The following PPP1R21 variants were observed in gnomAD, a reference collection of about 807,000 sequenced individuals.
PPP1R21 encodes the protein KLRAQ motif containing 1.
In PPP1R21, 85 loss-of-function variants were observed where a neutral mutation model predicts 112.8. The observed-to-expected ratio is 0.75, with a 90% CI of 0.63 to 0.90. The LOEUF (loss-of-function observed/expected upper bound fraction) is 0.90, where lower values mean the gene tolerates loss of function less well. Among genes scored for constraint, PPP1R21 ranks in the 40% least tolerant of loss-of-function variants. The pLI is 0.00. For missense variants in PPP1R21, 1,199 were observed against 901.5 expected (o/e 1.33, Z -4.23); for synonymous variants, 381 against 322.3 (o/e 1.18, Z -1.95).
Position 48,441,192 on chromosome 2 carries a change from C to T in PPP1R21, c.57+182C>T. The T allele has an allele frequency of 1.1e-5, 7 of 613,808 alleles. No homozygotes were observed. In the South Asian group the frequency reaches 1.3e-4, roughly 11 times the overall value. The allele number at this position is 613,808 out of a possible 1,614,324, so 38.0% of individuals were successfully genotyped here. A position where few individuals can be genotyped will look rare whatever the true frequency, so the allele number is the denominator to read the frequency against. On this transcript the variant is annotated intron_variant, in intron 1 of 21. Transcript: ENST00000294952. ...ACCTGCAGCTCCCAGGAGATGGGGC[C>T]GGGCGGTGTCTGCGTCCGTGAGCGT...
intron 12 of PPP1R21, among the ~76,000 whole-genome samples, chr2:48,475,206 A>T (rs1362360674): frequency 6.6e-6 from 1 of 151,968 alleles, no homozygotes; most frequent in African/African-American, 2.4e-5. Context: ...TTTAAAAATT[A>T]TCCAGATGTG....
At chr2:48,489,516 A>G (rs960505905) in intron 14 of PPP1R21, among the ~76,000 whole-genome samples, 1 of 151,132 alleles carries the variant, frequency 6.6e-6, no homozygotes, top group Non-Finnish European at 1.5e-5. Context: ...CTAATTTTTC[A>G]ATTTTGAAAA....
chr2:48,506,508 A>G (rs1461551756), intron 18 of PPP1R21, among the ~76,000 whole-genome samples: 1 of 152,228 alleles, frequency 6.6e-6, no homozygotes, highest in Non-Finnish European at 1.5e-5. Context: ...TGATTTCTGT[A>G]TTTATTCTTG....
intron 11 of PPP1R21, among the ~76,000 whole-genome samples, chr2:48,472,290 A>G (rs184273092): frequency 9.3e-5 from 14 of 150,898 alleles, no homozygotes; most frequent in African/African-American, 3.2e-4. Flanking sequence ...TACAACTGGA[A>G]CATGAGAGAA....
rs72822236 is a variant in PPP1R21 at position 48,491,422 on chromosome 2, G to C, written c.1599+252G>C. 5.0e-3 allele frequency among the ~76,000 whole-genome samples: 753 copies of C among 152,120 alleles called. 2 individuals are homozygous for C. The highest frequency in any genetic ancestry group is 7.0e-3 in the Non-Finnish European group (476 of 68,002). ...CCCAAGTGCCTGATAGAGCGCCTGG[G>C]GTGAGGTAGCCAGCCAAACAGTAAA... On this transcript the variant is annotated intron_variant, in intron 15 of 21. Transcript: ENST00000294952.
intron 19 of PPP1R21, among the ~76,000 whole-genome samples, chr2:48,507,635 G>A (rs1380049546): frequency 1.3e-5 from 2 of 151,784 alleles, no homozygotes; most frequent in Non-Finnish European, 2.9e-5. Context: ...CCAAAGTGCT[G>A]GGATTACAGG....
At chr2:48,476,711 T>C (rs1056848332) in intron 12 of PPP1R21, among the ~76,000 whole-genome samples, 2 of 152,220 alleles carry the variant, frequency 1.3e-5, no homozygotes, top group African/African-American at 4.8e-5. Flanking sequence ...ATGTTGACTA[T>C]CTTTTAATGT....
chr2:48,514,172 G>C (rs907404305), intron 21 of PPP1R21, among the ~76,000 whole-genome samples: 1 of 131,678 alleles, frequency 7.6e-6, no homozygotes, highest in Non-Finnish European at 1.5e-5. Context: ...TGCAAGCTCC[G>C]CCTCCCGGGT....
At chr2:48,452,256 A>G (rs1197215298) in intron 2 of PPP1R21, among the ~76,000 whole-genome samples, 2 of 152,158 alleles carry the variant, frequency 1.3e-5, no homozygotes, top group Admixed American at 6.5e-5. Flanking sequence ...GATGGCAGTA[A>G]TGGTAGGAAC....
Position 48,477,880 on chromosome 2 carries a change from G to A in PPP1R21, c.1226-2044G>A, listed in dbSNP as rs552023726. Among the ~76,000 whole-genome samples, 11 of 152,298 alleles carry A rather than the reference G, an allele frequency of 7.2e-5. No individual in the cohort carries two copies. The East Asian group carries it at 2.1e-3, about 29-fold the overall frequency. Reference sequence around the variant, plus strand: ...AAATTCTAACTGTCAGTACCTGTATGTGTGATCTCCTGTGGAGATGGGATC... The same window carrying A: ...AAATTCTAACTGTCAGTACCTGTATATGTGATCTCCTGTGGAGATGGGATC... On this transcript the variant is annotated intron_variant, in intron 12 of 21. Transcript: ENST00000294952.
At position 48,465,582 on chromosome 2, in the gene PPP1R21, G is replaced by C. The variant is rs764074898; in HGVS notation, c.837G>C (p.Gln279His). Residue 279 changes from glutamine (Q) to histidine (H), a missense_variant, in exon 9 of 22, where the codon CAG becomes CAC. Coordinates refer to ENST00000294952, the MANE Select transcript of PPP1R21 (RefSeq NM_001135629.3). Reference protein sequence around the residue: ...ALLNFHTYTEQRIQIFPVDSA... With the variant: ...ALLNFHTYTEHRIQIFPVDSA... ...TAAACTTTCATACCTACACAGAACA[G>C]AGGATTCAAATTTTTCCTGTTGATT... 5.0e-6 allele frequency: 8 copies of C among 1,613,924 alleles called. No homozygotes were observed. The highest frequency in any genetic ancestry group is 5.9e-6 in the Non-Finnish European group (7 of 1,179,924).
chr2:48,501,271 G>T (rs1670099539), intron 17 of PPP1R21, among the ~76,000 whole-genome samples: 1 of 152,100 alleles, frequency 6.6e-6, no homozygotes, highest in Admixed American at 6.5e-5. Context: ...CAAATGATGG[G>T]GTCAGACTGT....
chr2:48,509,644 G>T (rs1455277532), intron 19 of PPP1R21, among the ~76,000 whole-genome samples: 3 of 152,038 alleles, frequency 2.0e-5, no homozygotes, highest in Non-Finnish European at 4.4e-5. Context: ...GGTGGAGGTT[G>T]CAGTGAGCCA....
intron 9 of PPP1R21, among the ~76,000 whole-genome samples, chr2:48,468,745 G>A: frequency 6.6e-6 from 1 of 151,992 alleles, no homozygotes; most frequent in East Asian, 1.9e-4. Context: ...AGGCCAGGAG[G>A]CAGAGGTTGC....
chr2:48,465,571 T>G lies in PPP1R21; in HGVS notation c.826T>G (p.Tyr276Asp), dbSNP rs775867742. The G allele has an allele frequency of 6.2e-7, 1 of 1,613,926 alleles. No homozygotes were observed. The highest frequency in any genetic ancestry group is 8.5e-7 in the Non-Finnish European group (1 of 1,179,846). ...LVTALLNFHT[Y>D]TEQRIQIFPV... ...GACGGCTCTTCTAAACTTTCATACC[T>G]ACACAGAACAGAGGATTCAAATTTT... Residue 276 changes from tyrosine to aspartate, a missense_variant, in exon 9 of 22, where the codon TAC becomes GAC. By Grantham distance (160) the Tyr-to-Asp change is radical. Transcript: ENST00000294952.
intron 13 of PPP1R21, among the ~76,000 whole-genome samples, chr2:48,485,172 C>T (rs1005177710): frequency 6.6e-6 from 1 of 152,118 alleles, no homozygotes; most frequent in Non-Finnish European, 1.5e-5. Context: ...GCAATACCCA[C>T]TACTGGGTAT....
At chr2:48,444,859 T>G (rs1174804215) in intron 1 of PPP1R21, among the ~76,000 whole-genome samples, 2 of 151,640 alleles carry the variant, frequency 1.3e-5, no homozygotes, top group Non-Finnish European at 2.9e-5. Flanking sequence ...CTTTTTAAAG[T>G]TCTTTTTTTT....
intron 17 of PPP1R21, 26 bp from the exon 18 acceptor site, chr2:48,505,537 TA>T: frequency 1.3e-6 from 2 of 1,525,650 alleles, no homozygotes; most frequent in Admixed American, 2.0e-5. Context: ...CATTCTGTTC[TA>T]AAAGATTTTT....
At chr2:48,482,650 T>G (rs911370822) in intron 13 of PPP1R21, among the ~76,000 whole-genome samples, 105 of 151,070 alleles carry the variant, frequency 7.0e-4, no homozygotes, top group African/African-American at 2.4e-3. Context: ...ACACTGTTTT[T>G]TTTTTTTTTT....
Sources: gnomAD v4.1 joint callset for allele counts (sites outside exome capture counted in the v4.1 genomes callset) on GRCh38, gnomAD v4.1.1 for gene constraint, MANE v1.5 for transcripts, NCBI Gene and HGNC (gene_info 2026-07-23, HGNC 2026-07-21) for gene names.